Variants in TNKS2 observed in about 807,000 individuals in gnomAD.
The protein encoded by TNKS2 is tankyrase 2.
TNKS2 carries 72 observed loss-of-function variants against 137.6 expected under a neutral mutation model. That is an observed-to-expected ratio of 0.52 (90% CI 0.43 to 0.64). The LOEUF is 0.64. TNKS2 is among the 30% of genes least tolerant of loss of function. The probability of loss-of-function intolerance (pLI) is 0.00; values close to 1 mark genes in which losing one functional copy is unlikely to be tolerated. For synonymous variants in TNKS2, 516 were observed against 512.1 expected (o/e 1.01, Z -0.10); for missense variants, 1,049 against 1,410.2 (o/e 0.74, Z 4.10).
Position 91,855,092 on chromosome 10 carries a change from C to A in TNKS2, c.2879C>A (p.Pro960His), listed in dbSNP as rs1250671080. 1.2e-6 allele frequency: 2 copies of A among 1,611,780 alleles called. No homozygotes were observed. The highest frequency in any genetic ancestry group is 1.7e-6 in the Non-Finnish European group (2 of 1,178,256). The stretch of plus-strand genomic sequence containing the variant: ...GGAACAATTCTTATAGATCTGTCTC[C>A]TGATGATAAAGAGTTTCAGTCTGTG... ...GSGTILIDLSPDDKEFQSVEE... is the reference protein window; with the variant it reads ...GSGTILIDLSHDDKEFQSVEE... The change falls in exon 22 of 27, where the codon CCT becomes CAT. Residue 960 changes from proline to histidine, a missense_variant. Pro to His is a moderately conservative substitution (Grantham distance 77). Transcript: ENST00000371627.
Position 91,850,617 on chromosome 10 carries a change from G to T in TNKS2, c.2695-599G>T, listed in dbSNP as rs182910622. ...ACCTGTAATCCCAGCTACTCAGGAG[G>T]CTGAGGCAGGAGAATCGCTTGAACC... is the stretch of plus-strand genomic sequence containing the variant. On this transcript the variant is annotated intron_variant, in intron 20 of 26. Transcript: ENST00000371627. Among the ~76,000 whole-genome samples, 369 of 152,082 alleles carry T rather than the reference G, an allele frequency of 2.4e-3. 2 individuals carry two copies. Among genetic ancestry groups the T allele is most frequent in the African/African-American group, 8.5e-3 (354 of 41,482 alleles).
chr10:91,802,556 G>C (rs1056619214), intron 1 of TNKS2, among the ~76,000 whole-genome samples: 6 of 152,218 alleles, frequency 3.9e-5, no homozygotes, highest in Admixed American at 3.9e-4. Flanking sequence ...TCGACCAACA[G>C]GTTATAATCT....
intron 18 of TNKS2, 146 bp from the exon 19 acceptor site, chr10:91,848,237 T>G (rs887868248): frequency 3.9e-5 from 36 of 928,852 alleles, no homozygotes; most frequent in Non-Finnish European, 5.1e-5. Context: ...ACCTGTTTGC[T>G]TCACTTTTTA....
chr10:91,852,324 G>A (rs565923035), intron 21 of TNKS2, among the ~76,000 whole-genome samples: 8 of 151,912 alleles, frequency 5.3e-5, no homozygotes, highest in African/African-American at 1.2e-4. Flanking sequence ...TTGGGAGGCC[G>A]AGGTGGGCAG....
chr10:91,827,699 AG>A (rs1322343584), intron 8 of TNKS2, among the ~76,000 whole-genome samples: 2 of 152,246 alleles, frequency 1.3e-5, no homozygotes, highest in Non-Finnish European at 2.9e-5. Context: ...AGTGCATACA[AG>A]TAAGCAACTT....
intron 1 of TNKS2, chr10:91,807,380 A>G (rs1296209186): frequency 6.2e-7 from 1 of 1,614,070 alleles, no homozygotes; most frequent in Non-Finnish European, 8.5e-7. Flanking sequence ...TCATAGGGTC[A>G]GCGAGGTAAA....
At chr10:91,825,460 G>A (rs969806368) in intron 7 of TNKS2, among the ~76,000 whole-genome samples, 14 of 152,188 alleles carry the variant, frequency 9.2e-5, no homozygotes, top group African/African-American at 3.4e-4. Context: ...GGGCCACCAT[G>A]ATAATAAGTG....
chr10:91,861,530 A>T (rs1168241602), intron 25 of TNKS2, among the ~76,000 whole-genome samples: 1 of 152,242 alleles, frequency 6.6e-6, no homozygotes, highest in African/African-American at 2.4e-5. Flanking sequence ...ATTGTGTGAT[A>T]GTCCAGGTGA....
At chr10:91,815,590 C>CA (rs559927593) in intron 2 of TNKS2, among the ~76,000 whole-genome samples, 4 of 148,222 alleles carry the variant, frequency 2.7e-5, no homozygotes, top group East Asian at 2.0e-4. Flanking sequence ...AGACTTAGTA[C>CA]AAAAAAAAAT....
At chr10:91,807,467 A>C in intron 1 of TNKS2, 2 of 1,603,588 alleles carry the variant, frequency 1.2e-6, no homozygotes, top group Non-Finnish European at 1.7e-6. Flanking sequence ...AAGTAAAGAG[A>C]AGCAAGGCCT....
rs567151972 is a variant in TNKS2 at position 91,798,505 on chromosome 10, G to A, written c.-186G>A. The A allele has an allele frequency of 6.0e-5, 35 of 587,624 alleles. 1 individual carries two copies. The highest frequency in any genetic ancestry group is 5.1e-4 in the African/African-American group (26 of 51,160). The allele number at this position is 587,624 out of a possible 1,614,324, so 36.4% of individuals were successfully genotyped here. ...GCCGCCGCGGGGCAGCCGGGGGGCA[G>A]GGAGCCCAGCGAGGGGCGCGCGTGG... On this transcript the variant is annotated 5_prime_UTR_variant, in exon 1 of 27. Transcript: ENST00000371627.
intron 19 of TNKS2, 64 bp from the exon 20 acceptor site, chr10:91,849,448 A>C: frequency 7.9e-7 from 1 of 1,264,036 alleles, no homozygotes; most frequent in Non-Finnish European, 1.1e-6. Flanking sequence ...CTTTACTGTT[A>C]TAGTGATGAA....
intron 1 of TNKS2, among the ~76,000 whole-genome samples, chr10:91,809,463 G>A (rs995798079): frequency 1.4e-4 from 21 of 151,762 alleles, no homozygotes; most frequent in Non-Finnish European, 2.7e-4. Context: ...TCAGGAGATC[G>A]AGACCATCTT....
chr10:91,851,254 G>A lies in TNKS2; in HGVS notation c.2733G>A (p.Glu911=). ...TATTAGTTGAGATGGGGCACAAGGA[G>A]CTGAAGGAGATTGGAATCAATGCTT... ...LDVLVEMGHK[E]LKEIGINAYG... Residue 911 remains glutamate, a synonymous_variant, in exon 21 of 27, where the codon GAG becomes GAA. Coordinates refer to ENST00000371627, the MANE Select transcript of TNKS2 (RefSeq NM_025235.4). 2 of 1,613,480 alleles carry A rather than the reference G, an allele frequency of 1.2e-6. No homozygotes were observed. Among genetic ancestry groups the A allele is most frequent in the African/African-American group, 1.3e-5 (1 of 75,016 alleles).
rs1049357844 is a variant in TNKS2, at chr10:91,798,440, C to T, written c.-251C>T. 7.1e-5 allele frequency: 21 copies of T among 295,102 alleles called. No homozygotes were observed. The highest frequency in any genetic ancestry group is 1.2e-4 in the Non-Finnish European group (19 of 163,812). 18.3% of individuals were successfully genotyped at this position (295,102 alleles called of 1,614,324 possible). ...GGGGCCTTGCCAGCTTCCGCCGCCG[C>T]GTCGTTTCAGGACCCGGACGGCGGA... On this transcript the variant is annotated 5_prime_UTR_variant, in exon 1 of 27. Coordinates refer to ENST00000371627, the MANE Select transcript of TNKS2 (RefSeq NM_025235.4).
At chr10:91,842,113 A>G (rs981366182) in intron 15 of TNKS2, 59 bp from the exon 16 acceptor site, 3 of 1,240,134 alleles carry the variant, frequency 2.4e-6, no homozygotes, top group Non-Finnish European at 2.3e-6. Flanking sequence ...CTATTTTCTC[A>G]TTGACCAAAG....
intron 7 of TNKS2, among the ~76,000 whole-genome samples, chr10:91,823,121 A>G (rs2133618847): frequency 6.6e-6 from 1 of 152,050 alleles, no homozygotes; most frequent in East Asian, 1.9e-4. Context: ...GTGAAGTTTC[A>G]AAACTCTAAG....
rs1844039547 is a variant in TNKS2 at position 91,798,506 on chromosome 10, G to C, written c.-185G>C. On this transcript the variant is annotated 5_prime_UTR_variant, in exon 1 of 27. Transcript: ENST00000371627. The stretch of plus-strand genomic sequence containing the variant: ...CCGCCGCGGGGCAGCCGGGGGGCAG[G>C]GAGCCCAGCGAGGGGCGCGCGTGGG... The C allele has an allele frequency of 1.7e-6, 1 of 594,062 alleles. No individual in the cohort carries two copies. Among genetic ancestry groups the C allele is most frequent in the Admixed American group, 4.8e-5 (1 of 20,794 alleles). The allele number at this position is 594,062 out of a possible 1,614,324, so 36.8% of individuals were successfully genotyped here. A position where few individuals can be genotyped will look rare whatever the true frequency, so the allele number is the denominator to read the frequency against.
chr10:91,847,946 A>G (rs1428135130), intron 18 of TNKS2, among the ~76,000 whole-genome samples: 1 of 152,156 alleles, frequency 6.6e-6, no homozygotes, highest in Non-Finnish European at 1.5e-5. Flanking sequence ...TTTTGACAAT[A>G]TGTGTTTTGG....
Sources: allele counts gnomAD v4.1 joint callset (sites outside exome capture counted in the v4.1 genomes callset), GRCh38; gene constraint gnomAD v4.1.1; transcripts MANE v1.5; gene names NCBI Gene and HGNC (gene_info 2026-07-23, HGNC 2026-07-21).